CFAP47: variants seen among roughly 807,000 people sequenced by gnomAD.
CFAP47 encodes the protein cilia- and flagella-associated protein 47.
In CFAP47, 29 loss-of-function variants were observed where a neutral mutation model predicts 148.1. That is an observed-to-expected ratio of 0.20 (90% CI 0.15 to 0.27). The LOEUF is 0.27. CFAP47 is among the 10% of genes least tolerant of loss of function. CFAP47 has a pLI of 1.00. For synonymous variants in CFAP47, 664 were observed against 577.3 expected (o/e 1.15, Z -2.15); for missense variants, 1,872 against 1,697.5 (o/e 1.10, Z -1.81).
At chrX:36,094,944 T>G (rs899758208) in intron 30 of CFAP47, among the ~76,000 whole-genome samples, 16 of 111,250 alleles carry the variant, frequency 1.4e-4, no homozygotes, top group Non-Finnish European at 2.5e-4. Context: ...GCATCCTTGT[T>G]GTGTTGCAGA....
intron 2 of CFAP47, among the ~76,000 whole-genome samples, chrX:35,933,382 T>C (rs1935860637): frequency 8.9e-6 from 1 of 111,818 alleles, no homozygotes; most frequent in Admixed American, 9.5e-5. Flanking sequence ...GTTACATCTA[T>C]GTGTAAATGA....
intron 33 of CFAP47, among the ~76,000 whole-genome samples, chrX:36,136,905 A>G (rs1330053420): frequency 9.0e-6 from 1 of 111,663 alleles, no homozygotes; most frequent in Non-Finnish European, 1.9e-5. Flanking sequence ...TTTGCTATGC[A>G]TTAGTTGAAA....
chrX:36,328,362 TTGTTAAA>T (rs1279660933), intron 57 of CFAP47, among the ~76,000 whole-genome samples: 7 of 112,025 alleles, frequency 6.2e-5, no homozygotes, highest in Non-Finnish European at 1.3e-4. Flanking sequence ...ACACCTAATA[TTGTTAAA>T]ATGGCAATGT....
At chrX:36,185,170 G>A (rs782461407) in intron 40 of CFAP47, among the ~76,000 whole-genome samples, 20 of 110,665 alleles carry the variant, frequency 1.8e-4, no homozygotes, top group African/African-American at 6.2e-4. Flanking sequence ...TCGGTGTCTG[G>A]TAAGGGCCAA....
rs775260133 is a variant in CFAP47, at chrX:36,096,710, C to T, written c.4917-2083C>T. Among the ~76,000 whole-genome samples, 24 of 109,488 alleles carry T rather than the reference C, an allele frequency of 2.2e-4. No individual in the cohort carries two copies. The South Asian group carries it at 4.3e-3, about 20-fold the overall frequency. On this transcript the variant is annotated intron_variant, in intron 30 of 63. Transcript: ENST00000378653. ...TTAGCATGGGGTATCTTTTTCCATC[C>T]GTGTATGTTCAGTCTATGTGCATCT...
intron 48 of CFAP47, among the ~76,000 whole-genome samples, chrX:36,243,401 T>C (rs1380064117): frequency 3.7e-5 from 4 of 109,354 alleles, no homozygotes; most frequent in Non-Finnish European, 7.6e-5. Context: ...CTAGATTAAA[T>C]GACAAGACCC....
At chrX:36,172,407 C>T (rs1180299162) in intron 39 of CFAP47, among the ~76,000 whole-genome samples, 29 of 107,076 alleles carry the variant, frequency 2.7e-4, no homozygotes, top group Non-Finnish European at 5.2e-4. Flanking sequence ...CCAGTTTTTG[C>T]CCATTCAGTA....
At chrX:36,077,935 A>G (rs1011613307) in intron 29 of CFAP47, among the ~76,000 whole-genome samples, 2 of 111,027 alleles carry the variant, frequency 1.8e-5, no homozygotes, top group African/African-American at 6.6e-5. Flanking sequence ...AGGCTGAGGC[A>G]GGAGAATTTA....
intron 9 of CFAP47, 39 bp downstream of exon 9, chrX:35,966,793 C>T (rs1936414629): frequency 7.6e-6 from 7 of 921,816 alleles, no homozygotes; most frequent in Admixed American, 3.6e-5. Flanking sequence ...TTTGTTGTTA[C>T]TGTTGTTAAT....
chrX:36,097,154 G>T (rs781488401), intron 30 of CFAP47, among the ~76,000 whole-genome samples: 44 of 111,396 alleles, frequency 3.9e-4, no homozygotes, highest in Non-Finnish European at 7.6e-4. Context: ...CTTAACTTCA[G>T]CCCCTCGCTT....
chrX:36,246,587 G>A (rs782649956), intron 48 of CFAP47, among the ~76,000 whole-genome samples: 18 of 111,315 alleles, frequency 1.6e-4, no homozygotes, highest in Non-Finnish European at 3.2e-4. Flanking sequence ...TTCACTCGCT[G>A]TCATGAGAAC....
In CFAP47 at chrX:36,062,191, G is replaced by A. The variant is rs1368897585; in HGVS notation, c.4218-3452G>A. Reference sequence around the variant, plus strand: ...GTAAGATCTGCCTTGAAATAGTATCGATGGGAGCAGAACTTTAGTAAAGAT... The same window carrying A: ...GTAAGATCTGCCTTGAAATAGTATCAATGGGAGCAGAACTTTAGTAAAGAT... On this transcript the variant is annotated intron_variant, in intron 26 of 63. Coordinates refer to ENST00000378653, the MANE Select transcript of CFAP47 (RefSeq NM_001304548.2). Among the ~76,000 whole-genome samples, 4 of 111,106 alleles carry A rather than the reference G, an allele frequency of 3.6e-5. No homozygotes were observed. The East Asian group carries it at 1.1e-3, about 31-fold the overall frequency.
At chrX:36,172,740 G>A (rs907222098) in intron 39 of CFAP47, among the ~76,000 whole-genome samples, 1 of 111,755 alleles carries the variant, frequency 8.9e-6, no homozygotes, top group African/African-American at 3.3e-5. Context: ...TATTCATCAA[G>A]GATATTGGTC....
intron 46 of CFAP47, among the ~76,000 whole-genome samples, chrX:36,232,488 T>C (rs2146905118): frequency 8.9e-6 from 1 of 111,972 alleles, no homozygotes; most frequent in Admixed American, 9.5e-5. Flanking sequence ...ATTGCGTCTA[T>C]TTGATTCTTC....
At chrX:36,371,665 T>C (rs1422109031) in intron 62 of CFAP47, among the ~76,000 whole-genome samples, 2 of 80,005 alleles carry the variant, frequency 2.5e-5, no homozygotes, top group Non-Finnish European at 4.6e-5. Flanking sequence ...TGTGTGTATA[T>C]ACACACATGT....
At chrX:36,077,331 T>C (rs957335755) in intron 29 of CFAP47, among the ~76,000 whole-genome samples, 4 of 106,073 alleles carry the variant, frequency 3.8e-5, no homozygotes, top group African/African-American at 1.4e-4. Context: ...GTGGTAGAAA[T>C]AGCAGTGAAT....
chrX:36,016,788 T>C (rs1334397072), intron 22 of CFAP47, among the ~76,000 whole-genome samples: 2 of 102,799 alleles, frequency 1.9e-5, no homozygotes, highest in African/African-American at 7.1e-5. Flanking sequence ...CAACGAACAG[T>C]ATACAAGGGT....
chrX:35,983,793 G>C (rs1251223265), intron 15 of CFAP47, among the ~76,000 whole-genome samples: 6 of 111,885 alleles, frequency 5.4e-5, no homozygotes, highest in Non-Finnish European at 7.5e-5. Context: ...GAACCAACCT[G>C]TGTCTCTTGG....
intron 57 of CFAP47, among the ~76,000 whole-genome samples, chrX:36,334,219 G>C (rs184870860): frequency 2.3e-4 from 26 of 110,889 alleles, no homozygotes; most frequent in African/African-American, 7.9e-4. Flanking sequence ...GAAAAATACA[G>C]GCTACAGGCA....
Sources: gnomAD v4.1 joint callset for allele counts (sites outside exome capture counted in the v4.1 genomes callset) on GRCh38, gnomAD v4.1.1 for gene constraint, MANE v1.5 for transcripts, NCBI Gene and HGNC (gene_info 2026-07-23, HGNC 2026-07-21) for gene names.